DPH6: variants seen among roughly 807,000 people sequenced by gnomAD.
DPH6 encodes diphthine--ammonia ligase.
DPH6 carries 33 observed loss-of-function variants against 38.2 expected under a neutral mutation model. The observed-to-expected ratio is 0.86, with a 90% CI of 0.65 to 1.15. The LOEUF is 1.15. Among genes scored for constraint, DPH6 ranks in the 50% most tolerant of loss-of-function variants. The probability of loss-of-function intolerance (pLI) is 0.00; values close to 1 mark genes in which losing one functional copy is unlikely to be tolerated. For missense variants in DPH6, 325 were observed against 320.0 expected (o/e 1.02, Z -0.12); for synonymous variants, 108 against 103.0 (o/e 1.05, Z -0.30).
chr15:35,391,091 C>T (rs987869913), intron 6 of DPH6, among the ~76,000 whole-genome samples: 1 of 152,140 alleles, frequency 6.6e-6, no homozygotes, highest in African/African-American at 2.4e-5. Flanking sequence ...GTCTGTTGGA[C>T]TTTACTGGAG....
At chr15:35,389,804 G>A (rs1196574126) in intron 6 of DPH6, among the ~76,000 whole-genome samples, 2 of 152,152 alleles carry the variant, frequency 1.3e-5, no homozygotes, top group African/African-American at 4.8e-5. Context: ...CAATTTGCCA[G>A]TCTGTGCCTT....
At chr15:35,498,088 G>A (rs1382686873) in intron 3 of DPH6, among the ~76,000 whole-genome samples, 2 of 152,148 alleles carry the variant, frequency 1.3e-5, no homozygotes, top group East Asian at 3.9e-4. Flanking sequence ...CACTATGCAA[G>A]TTCATATTTT....
intron 3 of DPH6, among the ~76,000 whole-genome samples, chr15:35,247,627 T>C (rs1415458214): frequency 6.6e-6 from 1 of 152,194 alleles, no homozygotes; most frequent in African/African-American, 2.4e-5. Context: ...GGGGAAACAC[T>C]TCAATGGAGA....
At chr15:35,167,622 AAT>A in the DPH6 span, among the ~76,000 whole-genome samples, 1 of 151,088 alleles carries the variant, frequency 6.6e-6, no homozygotes, top group South Asian at 2.1e-4. Flanking sequence ...CACCTGCTTC[AAT>A]ATCAGACATC....
At chr15:35,150,580 T>C in the DPH6 span, among the ~76,000 whole-genome samples, 1 of 152,230 alleles carries the variant, frequency 6.6e-6, no homozygotes, top group Non-Finnish European at 1.5e-5. Flanking sequence ...GCTCGTGTTG[T>C]AAATTTTATG....
chr15:35,158,515 C>T, the DPH6 span, among the ~76,000 whole-genome samples: 1 of 151,922 alleles, frequency 6.6e-6, no homozygotes, highest in Non-Finnish European at 1.5e-5. Flanking sequence ...TAATAACATC[C>T]ATAATTATTT....
intron 6 of DPH6, among the ~76,000 whole-genome samples, chr15:35,396,046 T>C (rs2053127627): frequency 6.6e-6 from 1 of 152,150 alleles, no homozygotes; most frequent in South Asian, 2.1e-4. Flanking sequence ...CCTCTTTTTG[T>C]CAAATACCAC....
At chr15:35,399,952 C>G (rs2053195085) in intron 6 of DPH6, among the ~76,000 whole-genome samples, 2 of 152,122 alleles carry the variant, frequency 1.3e-5, no homozygotes, top group Non-Finnish European at 2.9e-5. Context: ...CAAGGACTCC[C>G]AACACAGAAA....
the DPH6 span, among the ~76,000 whole-genome samples, chr15:35,152,366 A>G: frequency 1.6e-4 from 25 of 152,154 alleles, no homozygotes; most frequent in Admixed American, 7.2e-4. Context: ...AGTTGACATC[A>G]GCATATTAAA....
chr15:35,419,445 G>A (rs569885359), intron 5 of DPH6, among the ~76,000 whole-genome samples: 3 of 151,996 alleles, frequency 2.0e-5, no homozygotes, highest in African/African-American at 4.8e-5. Flanking sequence ...ATCTCAACAC[G>A]TGACTTCTTT....
At chr15:35,224,100 GT>G (rs142813866) in intron 3 of DPH6, among the ~76,000 whole-genome samples, 4,225 of 88,802 alleles carry the variant, frequency 0.048, 16 homozygotes, top group African/African-American at 0.075. Context: ...CATGATTTTA[GT>G]TTTTTTTTTT....
At position 35,426,866 on chromosome 15, in the gene DPH6, T is replaced by TAA. The variant is rs974135004; in HGVS notation, c.506-15972_506-15971dup. ...TCAAAAGAGAAATTTGTGGATGGTTTAAAAAAAAAAAAACAACCTTGAAAC... is the reference window on the plus strand; with the variant it reads ...TCAAAAGAGAAATTTGTGGATGGTTTAAAAAAAAAAAAAAACAACCTTGAAAC... On this transcript the variant is annotated intron_variant, in intron 5 of 8. Coordinates refer to ENST00000256538, the MANE Select transcript of DPH6 (RefSeq NM_080650.4). Among the ~76,000 whole-genome samples the TAA allele has an allele frequency of 2.0e-3, 273 of 138,744 alleles. 2 individuals carry two copies. The highest frequency in any genetic ancestry group is 6.6e-3 in the African/African-American group (252 of 38,156). 91.0% of individuals were successfully genotyped at this position (138,744 alleles called of 152,430 possible).
intron 6 of DPH6, among the ~76,000 whole-genome samples, chr15:35,392,712 C>T (rs181264819): frequency 1.3e-5 from 2 of 152,208 alleles, no homozygotes; most frequent in East Asian, 3.9e-4. Flanking sequence ...TTGGCAGATG[C>T]ATGAAATGCT....
chr15:35,365,560 A>T (rs1001816614), intron 3 of DPH6, among the ~76,000 whole-genome samples: 8 of 152,114 alleles, frequency 5.3e-5, no homozygotes, highest in Non-Finnish European at 1.2e-4. Context: ...CAACTAGGTA[A>T]ATATAAAAGC....
intron 6 of DPH6, among the ~76,000 whole-genome samples, chr15:35,394,880 T>C (rs1162307872): frequency 1.3e-5 from 2 of 152,202 alleles, no homozygotes; most frequent in Non-Finnish European, 2.9e-5. Flanking sequence ...CTAGCTTGAT[T>C]TGCAAAAGTT....
chr15:35,448,570 A>G (rs2053886896), intron 5 of DPH6, among the ~76,000 whole-genome samples: 1 of 152,192 alleles, frequency 6.6e-6, no homozygotes, highest in Non-Finnish European at 1.5e-5. Flanking sequence ...CTGGGATAGA[A>G]AATGTGTAAG....
At chr15:35,261,295 G>A (rs1178315294) in intron 3 of DPH6, among the ~76,000 whole-genome samples, 3 of 152,198 alleles carry the variant, frequency 2.0e-5, no homozygotes, top group Non-Finnish European at 4.4e-5. Flanking sequence ...AACTGGAAAC[G>A]TTCAGCTGAT....
chr15:35,229,927 G>T (rs1306487388), intron 3 of DPH6, among the ~76,000 whole-genome samples: 1 of 152,304 alleles, frequency 6.6e-6, no homozygotes, highest in Admixed American at 6.5e-5. Flanking sequence ...ACCTGGAGCT[G>T]GGGATGGAGT....
Position 35,237,141 on chromosome 15 carries a change from C to T in DPH6, n.201-16559G>A, listed in dbSNP as rs552030740. 429 of 591,032 alleles carry T rather than the reference C, an allele frequency of 7.3e-4. 2 individuals carry two copies. Among genetic ancestry groups the T allele is most frequent in the Non-Finnish European group, 1.0e-3 (334 of 334,414 alleles). The allele number at this position is 591,032 out of a possible 1,614,324, so 36.6% of individuals were successfully genotyped here. A position where few individuals can be genotyped will look rare whatever the true frequency, so the allele number is the denominator to read the frequency against. The stretch of plus-strand genomic sequence containing the variant: ...ACTTGATGGTAATCTTTACAAAAAC[C>T]TCTCCCAGTTTCCTTATTTAAAAAT... On this transcript the variant is annotated intron_variant and non_coding_transcript_variant, in intron 3 of 3. Transcript: ENST00000560386.
Sources: allele counts gnomAD v4.1 joint callset (sites outside exome capture counted in the v4.1 genomes callset), GRCh38; gene constraint gnomAD v4.1.1; transcripts MANE v1.5; gene names NCBI Gene and HGNC (gene_info 2026-07-23, HGNC 2026-07-21).